Variants in KLF12 observed in about 807,000 individuals in gnomAD.
KLF12 encodes Krueppel-like factor 12.
A neutral mutation model predicts 37.8 loss-of-function variants in KLF12; 9 were observed. That is an observed-to-expected ratio of 0.24 (90% CI 0.14 to 0.42). The LOEUF (loss-of-function observed/expected upper bound fraction) is 0.42, where lower values mean the gene tolerates loss of function less well. KLF12 is among the 10% of genes least tolerant of loss of function. The probability of loss-of-function intolerance (pLI) is 1.00; values close to 1 mark genes in which losing one functional copy is unlikely to be tolerated. For missense variants in KLF12, 411 were observed against 516.0 expected (o/e 0.80, Z 1.97); for synonymous variants, 208 against 202.1 (o/e 1.03, Z -0.25).
chr13:73,895,909 C>T (rs1229418112), intron 3 of KLF12, among the ~76,000 whole-genome samples: 1 of 151,868 alleles, frequency 6.6e-6, no homozygotes, highest in Non-Finnish European at 1.5e-5. Flanking sequence ...CAACCTTCGC[C>T]TTCTGGATTC....
chr13:74,241,563 G>A, the KLF12 span, among the ~76,000 whole-genome samples: 1 of 152,202 alleles, frequency 6.6e-6, no homozygotes, highest in Non-Finnish European at 1.5e-5. Flanking sequence ...CTGCTGCCTT[G>A]CAGTTTGATC....
intron 4 of KLF12, among the ~76,000 whole-genome samples, chr13:73,825,065 G>A (rs539965704): frequency 2.1e-5 from 3 of 140,352 alleles, no homozygotes; most frequent in Admixed American, 7.1e-5. Context: ...GCAAAACTCC[G>A]CCTCAAAAAA....
At chr13:73,935,664 G>GT (rs1593752726) in intron 3 of KLF12, among the ~76,000 whole-genome samples, 1 of 152,144 alleles carries the variant, frequency 6.6e-6, no homozygotes, top group East Asian at 1.9e-4. Flanking sequence ...AGAGTCTCGT[G>GT]TTGCTCAGGC....
intron 1 of KLF12, among the ~76,000 whole-genome samples, chr13:74,106,302 C>A (rs1876554047): frequency 6.6e-6 from 1 of 152,140 alleles, no homozygotes; most frequent in South Asian, 2.1e-4. Context: ...ATCTTAGACA[C>A]TAAAAGTGGT....
chr13:74,267,664 G>A, the KLF12 span, among the ~76,000 whole-genome samples: 1 of 152,102 alleles, frequency 6.6e-6, no homozygotes, highest in Admixed American at 6.6e-5. Flanking sequence ...TCTAGTGTTA[G>A]CACAGTCAGG....
chr13:73,810,065 T>C (rs1424243768), intron 5 of KLF12, among the ~76,000 whole-genome samples: 1 of 152,006 alleles, frequency 6.6e-6, no homozygotes, highest in Non-Finnish European at 1.5e-5. Flanking sequence ...GCCAACATGG[T>C]GAAACTCTGT....
At chr13:74,263,286 C>T in the KLF12 span, among the ~76,000 whole-genome samples, 1 of 152,030 alleles carries the variant, frequency 6.6e-6, no homozygotes, top group Non-Finnish European at 1.5e-5. Context: ...CTTGCTCAAA[C>T]CCATCAGAAA....
chr13:74,217,110 C>T, the KLF12 span, among the ~76,000 whole-genome samples: 51 of 152,214 alleles, frequency 3.4e-4, no homozygotes, highest in Middle Eastern at 3.4e-3. Context: ...TCATAAATTT[C>T]TGGGACCTTA....
chr13:74,301,987 C>T, the KLF12 span, among the ~76,000 whole-genome samples: 1 of 152,068 alleles, frequency 6.6e-6, no homozygotes, highest in Non-Finnish European at 1.5e-5. Context: ...TTCTGATCAC[C>T]CAGGGACATT....
In KLF12 at chr13:73,690,928, C is replaced by T. The variant is rs559449958; in HGVS notation, c.*4562G>A. On this transcript the variant is annotated 3_prime_UTR_variant, in exon 8 of 8. Coordinates refer to ENST00000377669, the MANE Select transcript of KLF12 (RefSeq NM_007249.5). ...AAAATCTGGATTTCTATTGCAATTG[C>T]TCAGTAATTAGCATATTTAAAGTAT... 2 of 152,622 alleles carry T rather than the reference C, an allele frequency of 1.3e-5. No individual in the cohort carries two copies. Among genetic ancestry groups the T allele is most frequent in the African/African-American group, 4.8e-5 (2 of 41,520 alleles). 9.5% of individuals were successfully genotyped at this position (152,622 alleles called of 1,614,324 possible).
At chr13:74,114,356 T>C (rs1877160243) in intron 1 of KLF12, among the ~76,000 whole-genome samples, 1 of 152,184 alleles carries the variant, frequency 6.6e-6, no homozygotes, top group African/African-American at 2.4e-5. Context: ...TTCATCACAA[T>C]GCTATTTTGT....
chr13:74,165,260 A>G, the KLF12 span, among the ~76,000 whole-genome samples: 2 of 151,874 alleles, frequency 1.3e-5, no homozygotes, highest in Non-Finnish European at 2.9e-5. Context: ...TTCATCCTTC[A>G]ACTTTGTCAT....
rs114363100 is a variant in KLF12, at chr13:74,030,724, G to A, written c.-31-35671C>T. On this transcript the variant is annotated intron_variant, in intron 1 of 7. Coordinates refer to ENST00000377669, the MANE Select transcript of KLF12 (RefSeq NM_007249.5). ...ATACAAGCCACAAAAGTAGCATTCTGCCATGTTCCTATTTCATTTCAGGGT... is the reference window on the plus strand; with the variant it reads ...ATACAAGCCACAAAAGTAGCATTCTACCATGTTCCTATTTCATTTCAGGGT... Among the ~76,000 whole-genome samples, 1,049 of 152,148 alleles carry A rather than the reference G, an allele frequency of 6.9e-3. 5 individuals are homozygous for A. Among genetic ancestry groups the A allele is most frequent in the African/African-American group, 0.023 (975 of 41,528 alleles).
At chr13:73,874,666 C>T (rs1179056350) in intron 3 of KLF12, among the ~76,000 whole-genome samples, 3 of 152,150 alleles carry the variant, frequency 2.0e-5, no homozygotes, top group African/African-American at 7.2e-5. Context: ...TATTATACCA[C>T]CCTCCACCTT....
rs369661054 is a variant in KLF12, at chr13:74,045,259, G to A, written c.-31-50206C>T. 5.3e-5 allele frequency among the ~76,000 whole-genome samples: 8 copies of A among 152,178 alleles called. No homozygotes were observed. The East Asian group carries it at 7.7e-4, about 15-fold the overall frequency. On this transcript the variant is annotated intron_variant, in intron 1 of 7. Transcript: ENST00000377669. The stretch of plus-strand genomic sequence containing the variant: ...CAGTATGGAGATGATAAGTCATTTT[G>A]ACAGTATGTACCCTTGATGTGATGT...
chr13:73,916,725 T>G (rs1188464842), intron 3 of KLF12, among the ~76,000 whole-genome samples: 1 of 152,136 alleles, frequency 6.6e-6, no homozygotes, highest in African/African-American at 2.4e-5. Context: ...TCATTTAGGT[T>G]TGATGTATGG....
intron 4 of KLF12, among the ~76,000 whole-genome samples, chr13:73,827,600 C>T (rs191080601): frequency 6.6e-6 from 1 of 152,084 alleles, no homozygotes; most frequent in Admixed American, 6.5e-5. Context: ...TCTCTGTCAC[C>T]CAGGCTGTAT....
At chr13:74,056,729 A>C (rs1873266055) in intron 1 of KLF12, among the ~76,000 whole-genome samples, 2 of 152,196 alleles carry the variant, frequency 1.3e-5, no homozygotes, top group Admixed American at 1.3e-4. Flanking sequence ...TAGACCAAAA[A>C]AGCCGAGATT....
intron 3 of KLF12, among the ~76,000 whole-genome samples, chr13:73,889,958 C>A (rs1887423704): frequency 6.6e-6 from 1 of 152,016 alleles, no homozygotes. Flanking sequence ...CTACTCTTCA[C>A]AAAATGTCCT....
Sources: allele counts gnomAD v4.1 joint callset (sites outside exome capture counted in the v4.1 genomes callset), GRCh38; gene constraint gnomAD v4.1.1; transcripts MANE v1.5; gene names NCBI Gene and HGNC (gene_info 2026-07-23, HGNC 2026-07-21).